VPS13D: variants seen among roughly 807,000 people sequenced by gnomAD.
The protein encoded by VPS13D is intermembrane lipid transfer protein VPS13D.
A neutral mutation model predicts 461.9 loss-of-function variants in VPS13D; 187 were observed. The ratio of observed to expected loss-of-function variants is 0.40; its 90% CI spans 0.36 to 0.46. The LOEUF is 0.46. Ranked by LOEUF, VPS13D falls within the 20% of genes least tolerant of loss-of-function variation. VPS13D has a pLI of 0.60. For synonymous variants in VPS13D, 1,951 were observed against 1,986.3 expected (o/e 0.98, Z 0.47); for missense variants, 4,711 against 5,364.9 (o/e 0.88, Z 3.81).
At chr1:12,319,423 C>T in intron 31 of VPS13D, 74 bp from the exon 32 acceptor site, 1 of 1,591,614 alleles carries the variant, frequency 6.3e-7, no homozygotes, top group Non-Finnish European at 8.6e-7. Flanking sequence ...AATGCGCTCG[C>T]TGCCTTGTTT....
intron 67 of VPS13D, among the ~76,000 whole-genome samples, chr1:12,472,329 G>A (rs1163976078): frequency 6.6e-6 from 1 of 152,184 alleles, no homozygotes; most frequent in Non-Finnish European, 1.5e-5. Flanking sequence ...CTCCTGTTGA[G>A]AGGAGCAAAA....
At chr1:12,500,842 C>G (rs953875889) in intron 68 of VPS13D, among the ~76,000 whole-genome samples, 1 of 150,412 alleles carries the variant, frequency 6.6e-6, no homozygotes, top group Admixed American at 6.6e-5. Flanking sequence ...GTGGGAGGAT[C>G]GCTTGAGGCC....
At chr1:12,311,961 C>T in intron 29 of VPS13D, 36 bp downstream of exon 29, 1 of 1,540,982 alleles carries the variant, frequency 6.5e-7, no homozygotes, top group Non-Finnish European at 8.9e-7. Flanking sequence ...CTGTTAGTAA[C>T]AGTATCCAAA....
At chr1:12,235,977 G>A (rs1372544978) in intron 2 of VPS13D, among the ~76,000 whole-genome samples, 1 of 152,198 alleles carries the variant, frequency 6.6e-6, no homozygotes, top group Non-Finnish European at 1.5e-5. Context: ...AAAGAAATGA[G>A]TAAATAGAAA....
At chr1:12,372,890 G>A (rs138072623) in intron 54 of VPS13D, among the ~76,000 whole-genome samples, 142 of 151,104 alleles carry the variant, frequency 9.4e-4, no homozygotes, top group African/African-American at 3.3e-3. Context: ...GTGTAGCCAG[G>A]CTGCAACATT....
At chr1:12,432,167 G>A (rs1645000073) in intron 65 of VPS13D, among the ~76,000 whole-genome samples, 1 of 152,136 alleles carries the variant, frequency 6.6e-6, no homozygotes, top group Admixed American at 6.6e-5. Context: ...GCTGAGGCGG[G>A]CGGATAACCT....
intron 21 of VPS13D, among the ~76,000 whole-genome samples, chr1:12,285,298 T>A (rs896315410): frequency 2.1e-5 from 3 of 143,308 alleles, no homozygotes; most frequent in Admixed American, 6.8e-5. Context: ...ATTTATTTAT[T>A]TTTTTTTTTT....
intron 58 of VPS13D, 98 bp downstream of exon 58, chr1:12,383,253 G>T: frequency 6.6e-6 from 8 of 1,209,730 alleles, no homozygotes; most frequent in Non-Finnish European, 9.0e-6. Context: ...GTTTATGCCA[G>T]ATATGAAGAT....
chr1:12,308,534 T>C lies in VPS13D; in HGVS notation c.6543T>C (p.Asp2181=), dbSNP rs1218076663. The change falls in exon 27 of 70, where the codon GAT becomes GAC. Residue 2181 remains aspartate (D), a synonymous_variant. Transcript: ENST00000620676. Reference sequence around the variant, plus strand: ...GAGAATACTCGAAGGCACCAGAGGATAGTAGTGGAGATCTGATCTTCCCTT... The same window carrying C: ...GAGAATACTCGAAGGCACCAGAGGACAGTAGTGGAGATCTGATCTTCCCTT... ...HPREYSKAPE[D]SSGDLIFPSY... 6.2e-7 allele frequency: 1 copy of C among 1,614,064 alleles called. No individual in the cohort carries two copies. The highest frequency in any genetic ancestry group is 8.5e-7 in the Non-Finnish European group (1 of 1,180,022).
intron 35 of VPS13D, among the ~76,000 whole-genome samples, chr1:12,325,327 T>A (rs1447928946): frequency 6.6e-6 from 1 of 152,124 alleles, no homozygotes; most frequent in East Asian, 1.9e-4. Flanking sequence ...TGGCGCGATC[T>A]TGGCCCACTG....
Position 12,401,700 on chromosome 1 carries a change from A to C in VPS13D, c.11877A>C (p.Glu3959Asp). 1 of 1,612,696 alleles carries C rather than the reference A, an allele frequency of 6.2e-7. No homozygotes were observed. ...LLSFFGYDQA[E>D]SEVEKYDENL... ...GTTTCTTTGGCTACGATCAAGCAGA[A>C]TCAGGTAATGTTGAATGTTCTATGT... The change falls in exon 62 of 70, where the codon GAA (glutamate) becomes GAC (aspartate). Residue 3959 changes from glutamate (E) to aspartate (D), a missense_variant. Glu to Asp is a conservative substitution (Grantham distance 45). This residue lies in a region of VPS13D where 4,411 missense variants were observed against 4,937.8 expected (regional missense o/e 0.89). Coordinates refer to ENST00000620676, the MANE Select transcript of VPS13D (RefSeq NM_015378.4).
intron 10 of VPS13D, among the ~76,000 whole-genome samples, chr1:12,259,367 G>A (rs1295524850): frequency 2.7e-5 from 4 of 149,888 alleles, no homozygotes; most frequent in African/African-American, 1.0e-4. Flanking sequence ...CCACGCTGGA[G>A]TGCAGTGGTG....
intron 38 of VPS13D, among the ~76,000 whole-genome samples, chr1:12,333,638 G>T (rs188646478): frequency 9.8e-5 from 15 of 152,324 alleles, no homozygotes; most frequent in Admixed American, 7.8e-4. Flanking sequence ...TCCTCATAAT[G>T]CTTGGTCACT....
At position 12,400,184 on chromosome 1, in the gene VPS13D, G is replaced by T; in HGVS notation, c.11638G>T (p.Asp3880Tyr). The change falls in exon 61 of 70, where the codon GAC (aspartate) becomes TAC (tyrosine). Residue 3880 changes from aspartate to tyrosine, a missense_variant. This residue lies in a region of VPS13D where 4,411 missense variants were observed against 4,937.8 expected (regional missense o/e 0.89). Transcript: ENST00000620676. Reference protein sequence around the residue: ...LELSIQDVQVDNQLIGTTQPF... With the variant: ...LELSIQDVQVYNQLIGTTQPF... ...TGCTACCTTTCCATGGCCGTAGGTGGACAATCAGCTCATTGGTACCACGCA... is the reference window on the plus strand; with the variant it reads ...TGCTACCTTTCCATGGCCGTAGGTGTACAATCAGCTCATTGGTACCACGCA... 6.2e-7 allele frequency: 1 copy of T among 1,613,776 alleles called. No individual in the cohort carries two copies.
At chr1:12,288,157 C>A in intron 21 of VPS13D, 66 bp from the exon 22 acceptor site, 1 of 1,381,134 alleles carries the variant, frequency 7.2e-7, no homozygotes, top group South Asian at 1.2e-5. Flanking sequence ...ATTGCTCTGC[C>A]GTTTTCCTGA....
chr1:12,241,055 C>T (rs987271296), intron 2 of VPS13D, among the ~76,000 whole-genome samples: 1 of 152,116 alleles, frequency 6.6e-6, no homozygotes, highest in Non-Finnish European at 1.5e-5. Flanking sequence ...ATCCTCCTGC[C>T]TCAGCCTCCC....
intron 67 of VPS13D, among the ~76,000 whole-genome samples, chr1:12,474,199 G>T (rs150394028): frequency 1.3e-5 from 2 of 152,082 alleles, no homozygotes; most frequent in Non-Finnish European, 2.9e-5. Context: ...TTAGGATGGG[G>T]CATGCGACCC....
Position 12,267,015 on chromosome 1 carries a change from T to G in VPS13D, c.1725+4T>G, listed in dbSNP as rs1275387862. ...TCTTCTAGTCTTCCCTAATCCAGTA[T>G]GTACAACAGTTGGATAGTTAATGTA... On this transcript the variant is annotated splice_donor_region_variant and intron_variant, in intron 14 of 69. Transcript: ENST00000620676. 6.4e-7 allele frequency: 1 copy of G among 1,572,638 alleles called. No individual in the cohort carries two copies. The highest frequency in any genetic ancestry group is 8.6e-7 in the Non-Finnish European group (1 of 1,164,280).
chr1:12,247,866 G>A lies in VPS13D; in HGVS notation c.448-1357G>A, dbSNP rs146738591. 4.6e-3 allele frequency among the ~76,000 whole-genome samples: 696 copies of A among 151,340 alleles called. 4 individuals are homozygous for A. The highest frequency in any genetic ancestry group is 0.016 in the African/African-American group (671 of 41,206). ...TTACAGGCCTGCGCTATCATGCCTG[G>A]CTAAGTTTTGTATTTTTGTATTTTT... On this transcript the variant is annotated intron_variant, in intron 5 of 69. Coordinates refer to ENST00000620676, the MANE Select transcript of VPS13D (RefSeq NM_015378.4).
Sources: gnomAD v4.1 joint callset for allele counts (sites outside exome capture counted in the v4.1 genomes callset) on GRCh38, gnomAD v4.1.1 for gene constraint, gnomAD v4.1.1 regional missense constraint, MANE v1.5 for transcripts, NCBI Gene and HGNC (gene_info 2026-07-23, HGNC 2026-07-21) for gene names.